Variants in CACNA2D3 observed in about 807,000 individuals in gnomAD.
CACNA2D3 encodes the protein voltage-dependent calcium channel subunit alpha-2/delta-3.
CACNA2D3 carries 60 observed loss-of-function variants against 160.6 expected under a neutral mutation model. The ratio of observed to expected loss-of-function variants is 0.37; its 90% confidence interval spans 0.30 to 0.46. The LOEUF (loss-of-function observed/expected upper bound fraction) is 0.46. Among genes scored for constraint, CACNA2D3 ranks in the 20% least tolerant of loss-of-function variants. The pLI is 1.00. For synonymous variants in CACNA2D3, 558 were observed against 492.9 expected, an observed-to-expected ratio of 1.13 and a Z score of -1.75; for missense variants, 1,205 against 1,365.0, an observed-to-expected ratio of 0.88 and a Z score of 1.85.
intron 2 of CACNA2D3, among the ~76,000 whole-genome samples, chr3:54,183,005 A>G (rs981757039): frequency 5.9e-5 from 9 of 152,194 alleles, no homozygotes; most frequent in Non-Finnish European, 1.2e-4. Context: ...AAAAGATATA[A>G]TCTACATATT....
chr3:54,723,436 G>A (rs143285362), intron 11 of CACNA2D3, among the ~76,000 whole-genome samples: 1 of 152,238 alleles, frequency 6.6e-6, no homozygotes, highest in East Asian at 1.9e-4. Flanking sequence ...GCGCCACTGG[G>A]GTATGGAAAA....
At chr3:54,839,408 G>A (rs1240457960) in intron 16 of CACNA2D3, among the ~76,000 whole-genome samples, 1 of 152,186 alleles carries the variant, frequency 6.6e-6, no homozygotes, top group Non-Finnish European at 1.5e-5. Context: ...CTGCCCAAGA[G>A]TGCTCTAAAT....
intron 2 of CACNA2D3, among the ~76,000 whole-genome samples, chr3:54,317,581 AG>A (rs1703892184): frequency 6.6e-6 from 1 of 152,038 alleles, no homozygotes; most frequent in African/African-American, 2.4e-5. Flanking sequence ...CTTGTTGCCC[AG>A]GCTGGAGTGC....
At chr3:54,448,316 G>A (rs1347671359) in intron 4 of CACNA2D3, among the ~76,000 whole-genome samples, 1 of 152,232 alleles carries the variant, frequency 6.6e-6, no homozygotes, top group Non-Finnish European at 1.5e-5. Context: ...GAGTAAGTAG[G>A]TGAGTACTGG....
chr3:54,268,149 A>G (rs1383675765), intron 2 of CACNA2D3, among the ~76,000 whole-genome samples: 1 of 152,214 alleles, frequency 6.6e-6, no homozygotes, highest in Non-Finnish European at 1.5e-5. Context: ...TTTGAAAAAG[A>G]GGTTTAAAGA....
At chr3:54,816,738 C>A in intron 13 of CACNA2D3, 115 bp from the exon 14 acceptor site, 2 of 1,108,818 alleles carry the variant, frequency 1.8e-6, no homozygotes, top group South Asian at 1.4e-5. Flanking sequence ...TTTCACTTGT[C>A]TCCCCATTTT....
chr3:54,606,672 C>T (rs1019613248), intron 9 of CACNA2D3, among the ~76,000 whole-genome samples: 13 of 152,094 alleles, frequency 8.5e-5, no homozygotes, highest in African/African-American at 2.9e-4. Flanking sequence ...GGCTCCCGCT[C>T]GCTCCATTCC....
chr3:54,810,664 T>C (rs2703034), intron 13 of CACNA2D3, among the ~76,000 whole-genome samples: 5,749 of 152,238 alleles, frequency 0.038, 344 homozygotes, highest in African/African-American at 0.13. Flanking sequence ...ACTTTGTTTC[T>C]TATTTGGTCT....
intron 4 of CACNA2D3, among the ~76,000 whole-genome samples, chr3:54,446,607 T>C (rs1700225742): frequency 6.6e-6 from 1 of 152,140 alleles, no homozygotes; most frequent in African/African-American, 2.4e-5. Context: ...TTTTTTTCCC[T>C]TAAGGAGTAC....
At chr3:54,250,183 C>A (rs978123910) in intron 2 of CACNA2D3, among the ~76,000 whole-genome samples, 1 of 152,048 alleles carries the variant, frequency 6.6e-6, no homozygotes, top group Non-Finnish European at 1.5e-5. Flanking sequence ...CAGGCAAAAT[C>A]CTGATTTTGT....
intron 17 of CACNA2D3, among the ~76,000 whole-genome samples, chr3:54,855,428 C>T (rs1227335355): frequency 6.6e-6 from 1 of 152,206 alleles, no homozygotes; most frequent in Non-Finnish European, 1.5e-5. Flanking sequence ...AGCCTCTTTA[C>T]TAAATCCTCC....
At chr3:54,313,394 C>G (rs1033416439) in intron 2 of CACNA2D3, among the ~76,000 whole-genome samples, 6 of 152,230 alleles carry the variant, frequency 3.9e-5, no homozygotes, top group African/African-American at 9.6e-5. Context: ...GTTTTGCCCC[C>G]TTACTCTATT....
chr3:54,541,864 A>G (rs1301726943), intron 5 of CACNA2D3, among the ~76,000 whole-genome samples: 13 of 151,936 alleles, frequency 8.6e-5, no homozygotes, highest in Admixed American at 8.5e-4. Context: ...GTTTCATAGC[A>G]GTGGCAATGT....
chr3:54,400,584 G>T (rs1384963068), intron 4 of CACNA2D3, among the ~76,000 whole-genome samples: 1 of 152,074 alleles, frequency 6.6e-6, no homozygotes, highest in Non-Finnish European at 1.5e-5. Flanking sequence ...CACCACCACT[G>T]CCCCAAACTC....
intron 16 of CACNA2D3, among the ~76,000 whole-genome samples, chr3:54,844,369 G>A (rs1169945906): frequency 6.6e-6 from 1 of 152,160 alleles, no homozygotes; most frequent in African/African-American, 2.4e-5. Flanking sequence ...GCAGTGGGTT[G>A]AGGCATAAAG....
intron 9 of CACNA2D3, among the ~76,000 whole-genome samples, chr3:54,594,805 G>T (rs1353121492): frequency 2.6e-5 from 4 of 152,136 alleles, no homozygotes; most frequent in Non-Finnish European, 5.9e-5. Flanking sequence ...TACACCTGGG[G>T]TCCTGGGCCC....
chr3:54,817,742 GAC>G (rs1703489096), intron 14 of CACNA2D3, among the ~76,000 whole-genome samples: 1 of 152,154 alleles, frequency 6.6e-6, no homozygotes, highest in African/African-American at 2.4e-5. Flanking sequence ...CTCTACTAAA[GAC>G]AGTCTGTTCA....
chr3:54,625,120 C>T (rs1699068517), intron 9 of CACNA2D3, among the ~76,000 whole-genome samples: 1 of 152,072 alleles, frequency 6.6e-6, no homozygotes, highest in Non-Finnish European at 1.5e-5. Flanking sequence ...CTGCCTAGTT[C>T]CCTGGCCCTC....
In CACNA2D3 at chr3:54,725,222, G is replaced by A. The variant is rs181304178; in HGVS notation, c.1168-27377G>A. Among the ~76,000 whole-genome samples the A allele has an allele frequency of 1.4e-3, 211 of 152,226 alleles. 1 individual carries two copies. Among genetic ancestry groups the A allele is most frequent in the African/African-American group, 4.7e-3 (196 of 41,536 alleles). ...CCCAAGTCTAAACCAGGAAGAAGTC[G>A]AATCCCTGAATAAACCAATAACAAG... On this transcript the variant is annotated intron_variant, in intron 11 of 37. Coordinates refer to ENST00000474759, the MANE Select transcript of CACNA2D3 (RefSeq NM_018398.3).
Sources: gnomAD v4.1 joint callset for allele counts (sites outside exome capture counted in the v4.1 genomes callset) on GRCh38, gnomAD v4.1.1 for gene constraint, MANE v1.5 for transcripts, NCBI Gene and HGNC (gene_info 2026-07-23, HGNC 2026-07-21) for gene names.